Variants in SGK3 observed in about 807,000 individuals in gnomAD.
The protein encoded by SGK3 is serine/threonine-protein kinase Sgk3.
Under a neutral mutation model 68.5 loss-of-function variants are expected in SGK3, and 47 were observed. The observed-to-expected ratio is 0.69, with a 90% CI of 0.54 to 0.87. SGK3 has a LOEUF of 0.87. SGK3 is among the 40% of genes least tolerant of loss of function. The probability of loss-of-function intolerance (pLI) is 0.00; values close to 1 mark genes in which losing one functional copy is unlikely to be tolerated. For missense variants in SGK3, 479 were observed against 575.5 expected (o/e 0.83, Z 1.72); for synonymous variants, 181 against 189.1 (o/e 0.96, Z 0.35).
chr8:66,757,108 T>C (rs967712594), intron 1 of SGK3, among the ~76,000 whole-genome samples: 1 of 151,072 alleles, frequency 6.6e-6, no homozygotes, highest in Non-Finnish European at 1.5e-5. Context: ...ACGTGATCCC[T>C]TTCCTAACTA....
At position 66,798,580 on chromosome 8, in the gene SGK3, GT is replaced by G. The variant is rs1807797381; in HGVS notation, c.138del (p.Phe46LeufsTer16). On this transcript the variant is annotated frameshift_variant, in exon 3 of 17. Transcript: ENST00000521198. LOFTEE classifies it high-confidence loss of function. The part of the protein sequence containing the change: ...VLVSVGRSEW[F>X]VFRRYAEFDK... The stretch of plus-strand genomic sequence containing the variant: ...TGGTTTCAGTGGGAAGAAGTGAATG[GT>G]TTGTCTTCAGGAGATATGCAGAGTT... 2 of 1,611,428 alleles carry G rather than the reference GT, an allele frequency of 1.2e-6. No homozygotes were observed.
intron 5 of SGK3, among the ~76,000 whole-genome samples, chr8:66,817,973 T>C (rs961670156): frequency 3.4e-4 from 51 of 152,008 alleles, no homozygotes; most frequent in Admixed American, 6.6e-4. Flanking sequence ...CAGCCTGTCA[T>C]GGTGGCATGT....
chr8:66,752,593 T>G (rs1805850895), intron 1 of SGK3, among the ~76,000 whole-genome samples: 2 of 148,486 alleles, frequency 1.3e-5, no homozygotes, highest in South Asian at 2.2e-4. Context: ...TGTGAAAAAC[T>G]GGGGGGGTGG....
intron 16 of SGK3, among the ~76,000 whole-genome samples, chr8:66,853,122 G>A (rs1247959653): frequency 6.6e-6 from 1 of 152,074 alleles, no homozygotes; most frequent in Admixed American, 6.6e-5. Flanking sequence ...GCACACAGTA[G>A]ATATTTAATT....
rs778612162 is a variant in SGK3 at position 66,767,730 on chromosome 8, C to T, written c.-121-25886C>T. 3 of 1,532,936 alleles carry T rather than the reference C, an allele frequency of 2.0e-6. No homozygotes were observed. The East Asian group carries it at 6.8e-5, about 35-fold the overall frequency. 95.0% of individuals were successfully genotyped at this position (1,532,936 alleles called of 1,614,324 possible). The stretch of plus-strand genomic sequence containing the variant: ...TTGCTTTAACAGTCTTCTCAGTCAT[C>T]TTTTTGGCAGAAAAGCTTGGCTGTT... On this transcript the variant is annotated intron_variant, in intron 1 of 16. Transcript: ENST00000521198.
At chr8:66,809,071 G>A (rs551381772) in intron 4 of SGK3, among the ~76,000 whole-genome samples, 4 of 151,934 alleles carry the variant, frequency 2.6e-5, no homozygotes, top group African/African-American at 9.6e-5. Flanking sequence ...GTTTCTCCAT[G>A]TTGGTCAGGC....
At chr8:66,840,369 TG>T (rs1222250286) in intron 12 of SGK3, 122 bp downstream of exon 12, 6 of 1,013,686 alleles carry the variant, frequency 5.9e-6, no homozygotes, top group Non-Finnish European at 8.4e-6. Flanking sequence ...ATTCTCAAAA[TG>T]ACAAAACGGT....
chr8:66,793,603 TC>T lies in SGK3; in HGVS notation c.-121-12del. The T allele has an allele frequency of 3.1e-5, 23 of 744,872 alleles. No individual in the cohort carries two copies. Among genetic ancestry groups the T allele is most frequent in the South Asian group, 1.1e-4 (4 of 36,548 alleles). 46.1% of individuals were successfully genotyped at this position (744,872 alleles called of 1,614,324 possible). A position where few individuals can be genotyped will look rare whatever the true frequency, so the allele number is the denominator to read the frequency against. ...GTTTTGCTAATCACTTTTTTTTTTT[TC>T]TGTTGGTTAAGGTTGCATGATGGAA... is the stretch of plus-strand genomic sequence containing the variant. On this transcript the variant is annotated splice_polypyrimidine_tract_variant and intron_variant, in intron 1 of 16. Transcript: ENST00000521198.
chr8:66,808,656 G>A (rs1013526465), intron 4 of SGK3, among the ~76,000 whole-genome samples: 3 of 151,412 alleles, frequency 2.0e-5, no homozygotes, highest in Admixed American at 2.0e-4. Flanking sequence ...TGGGATTATA[G>A]GATGCGCCAC....
In SGK3 at chr8:66,822,386, C is replaced by T. The variant is rs753691709; in HGVS notation, c.344C>T (p.Ala115Val). Residue 115 changes from alanine to valine, a missense_variant, in exon 6 of 17, where the codon GCA becomes GTA. Coordinates refer to ENST00000521198, the MANE Select transcript of SGK3 (RefSeq NM_001033578.3). ...PELYNHPDVR[A>V]FLQMDSPKHQ... is the part of the protein sequence containing the mutation. Reference sequence around the variant, plus strand: ...TTTGTTTTTAGTCCAGATGTCAGAGCATTCCTTCAAATGGACAGTCCAAAA... The same window carrying T: ...TTTGTTTTTAGTCCAGATGTCAGAGTATTCCTTCAAATGGACAGTCCAAAA... 1.2e-5 allele frequency: 20 copies of T among 1,608,852 alleles called. No homozygotes were observed. Among genetic ancestry groups the T allele is most frequent in the Middle Eastern group, 1.7e-4 (1 of 6,060 alleles).
intron 6 of SGK3, among the ~76,000 whole-genome samples, chr8:66,824,976 T>C (rs1451192838): frequency 1.3e-5 from 2 of 152,238 alleles, no homozygotes; most frequent in Non-Finnish European, 2.9e-5. Flanking sequence ...GTATTTTTAA[T>C]TGAAAAATGA....
intron 1 of SGK3, among the ~76,000 whole-genome samples, chr8:66,723,681 G>C (rs1411633525): frequency 6.6e-6 from 1 of 152,114 alleles, no homozygotes; most frequent in Non-Finnish European, 1.5e-5. Flanking sequence ...CTGGGCTCAA[G>C]TGTACCCACA....
intron 5 of SGK3, among the ~76,000 whole-genome samples, chr8:66,816,546 A>G (rs1297710394): frequency 6.6e-6 from 1 of 151,750 alleles, no homozygotes; most frequent in East Asian, 2.0e-4. Context: ...GGATTTCACC[A>G]TGTTGGTCAG....
Position 66,859,748 on chromosome 8 carries a change from C to A in SGK3, c.*167C>A. ...TCTTCTATGTGCAAGAAAAATAGGGCATTTCAAAGAGCTGTTTTGATTAAA... is the reference window on the plus strand; with the variant it reads ...TCTTCTATGTGCAAGAAAAATAGGGAATTTCAAAGAGCTGTTTTGATTAAA... On this transcript the variant is annotated 3_prime_UTR_variant, in exon 17 of 17. Coordinates refer to ENST00000521198, the MANE Select transcript of SGK3 (RefSeq NM_001033578.3). 1 of 698,840 alleles carries A rather than the reference C, an allele frequency of 1.4e-6. No individual in the cohort carries two copies. The highest frequency in any genetic ancestry group is 2.1e-6 in the Non-Finnish European group (1 of 486,084). The allele number at this position is 698,840 out of a possible 1,614,324, so 43.3% of individuals were successfully genotyped here.
chr8:66,754,542 C>T (rs931813392), intron 1 of SGK3, among the ~76,000 whole-genome samples: 1 of 152,148 alleles, frequency 6.6e-6, no homozygotes, highest in Non-Finnish European at 1.5e-5. Flanking sequence ...GGAATATCTG[C>T]ATATACATGA....
intron 5 of SGK3, 92 bp from the exon 6 acceptor site, chr8:66,822,280 T>C (rs1808871560): frequency 8.7e-7 from 1 of 1,150,916 alleles, no homozygotes. Context: ...TAAATACTAA[T>C]ATAGTTATTT....
intron 1 of SGK3, chr8:66,737,123 C>T (rs201105734): frequency 6.6e-6 from 1 of 151,724 alleles, no homozygotes; most frequent in Non-Finnish European, 1.5e-5. Context: ...GCCACCACAC[C>T]TGGCCCGATA....
intron 1 of SGK3, among the ~76,000 whole-genome samples, chr8:66,774,655 G>A (rs1234930749): frequency 6.6e-6 from 1 of 152,096 alleles, no homozygotes; most frequent in Non-Finnish European, 1.5e-5. Flanking sequence ...TGTTTGAAGG[G>A]AACGAGATTG....
chr8:66,744,845 A>T, intron 1 of SGK3, among the ~76,000 whole-genome samples: 1 of 145,874 alleles, frequency 6.9e-6, no homozygotes, highest in African/African-American at 2.5e-5. Flanking sequence ...TGTGTGTGGG[A>T]CCTTTTGGAT....
Sources: gnomAD v4.1 joint callset for allele counts (sites outside exome capture counted in the v4.1 genomes callset) on GRCh38, gnomAD v4.1.1 for gene constraint, MANE v1.5 for transcripts, NCBI Gene and HGNC (gene_info 2026-07-23, HGNC 2026-07-21) for gene names.